RAP1GDS1: variants seen among roughly 807,000 people sequenced by gnomAD.
The protein encoded by RAP1GDS1 is RAP1, GTP-GDP dissociation stimulator 1.
Under a neutral mutation model 71.1 loss-of-function variants are expected in RAP1GDS1, and 35 were observed. That is an observed-to-expected ratio of 0.49 (90% CI 0.38 to 0.65). The LOEUF (loss-of-function observed/expected upper bound fraction) is 0.65. Ranked by LOEUF, RAP1GDS1 falls within the 30% of genes least tolerant of loss-of-function variation. The pLI, the probability that RAP1GDS1 is intolerant of heterozygous loss-of-function variation, is 0.00. For missense variants in RAP1GDS1, 663 were observed against 706.1 expected (o/e 0.94, Z 0.69); for synonymous variants, 229 against 243.1 (o/e 0.94, Z 0.54).
intron 3 of RAP1GDS1, among the ~76,000 whole-genome samples, chr4:98,346,559 T>A (rs937777382): frequency 7.0e-6 from 1 of 142,694 alleles, no homozygotes; most frequent in African/African-American, 2.6e-5. Flanking sequence ...TGATTATTTA[T>A]TTTTTTTTTT....
At chr4:98,319,313 G>C (rs1284822634) in intron 2 of RAP1GDS1, among the ~76,000 whole-genome samples, 1 of 152,118 alleles carries the variant, frequency 6.6e-6, no homozygotes, top group East Asian at 1.9e-4. Context: ...ATGTGTAATG[G>C]TGATAATATC....
chr4:98,290,442 G>A (rs756331966), intron 1 of RAP1GDS1, among the ~76,000 whole-genome samples: 2 of 152,026 alleles, frequency 1.3e-5, no homozygotes, highest in Non-Finnish European at 2.9e-5. Context: ...TATTAAAACA[G>A]CATCACTTTC....
chr4:98,331,081 G>C (rs1316011667), intron 2 of RAP1GDS1, among the ~76,000 whole-genome samples: 1 of 152,226 alleles, frequency 6.6e-6, no homozygotes, highest in Non-Finnish European at 1.5e-5. Flanking sequence ...AGATACTCGA[G>C]GTCAGGAGCT....
intron 2 of RAP1GDS1, among the ~76,000 whole-genome samples, chr4:98,325,395 C>A (rs1450685288): frequency 3.3e-5 from 5 of 150,892 alleles, no homozygotes; most frequent in African/African-American, 4.9e-5. Flanking sequence ...CTAGAAATAC[C>A]ATTTGACCCA....
At chr4:98,377,224 A>C (rs934605503) in intron 4 of RAP1GDS1, among the ~76,000 whole-genome samples, 5 of 151,946 alleles carry the variant, frequency 3.3e-5, no homozygotes, top group Non-Finnish European at 7.4e-5. Context: ...ATACTATTCG[A>C]GCTTTGCAAT....
chr4:98,298,720 T>A (rs1728147916), intron 2 of RAP1GDS1, among the ~76,000 whole-genome samples: 1 of 152,200 alleles, frequency 6.6e-6, no homozygotes, highest in Non-Finnish European at 1.5e-5. Context: ...TTTTTGTGCC[T>A]GTTAACACAA....
At chr4:98,344,884 G>A (rs1735997188) in intron 3 of RAP1GDS1, among the ~76,000 whole-genome samples, 3 of 152,148 alleles carry the variant, frequency 2.0e-5, no homozygotes, top group Admixed American at 1.3e-4. Flanking sequence ...AAGTGTAGTG[G>A]CAGGATCACG....
intron 2 of RAP1GDS1, among the ~76,000 whole-genome samples, chr4:98,300,685 G>GCCACCGTGC: frequency 6.6e-6 from 1 of 152,096 alleles, no homozygotes; most frequent in East Asian, 1.9e-4. Flanking sequence ...ACAAGCATGA[G>GCCACCGTGC]CCACCGTGCC....
chr4:98,378,892 G>A (rs1578655063), intron 4 of RAP1GDS1, 125 bp from the exon 5 acceptor site: 1 of 901,374 alleles, frequency 1.1e-6, no homozygotes, highest in Non-Finnish European at 1.6e-6. Context: ...CATATTTAAT[G>A]TCCTGCCTAG....
intron 1 of RAP1GDS1, among the ~76,000 whole-genome samples, chr4:98,277,298 A>G (rs981928637): frequency 6.6e-6 from 1 of 152,126 alleles, no homozygotes; most frequent in Non-Finnish European, 1.5e-5. Context: ...CTTTCTATAT[A>G]CTATGACCAG....
chr4:98,418,906 T>C, intron 10 of RAP1GDS1, 115 bp downstream of exon 10: 1 of 1,069,414 alleles, frequency 9.4e-7, no homozygotes, highest in South Asian at 3.0e-5. Context: ...TAAAAAAAAA[T>C]AGTCTTCACA....
intron 2 of RAP1GDS1, among the ~76,000 whole-genome samples, chr4:98,325,208 A>G (rs1435333760): frequency 1.3e-5 from 2 of 151,740 alleles, no homozygotes; most frequent in Non-Finnish European, 2.9e-5. Flanking sequence ...AATGCAAATC[A>G]AAACCACTAT....
chr4:98,409,412 C>G (rs1746674989), intron 7 of RAP1GDS1: 1 of 154,216 alleles, frequency 6.5e-6, no homozygotes, highest in Admixed American at 6.5e-5. Context: ...TTGTAGACAT[C>G]AGAGGAATGC....
chr4:98,298,321 T>C (rs1359507339), intron 2 of RAP1GDS1, among the ~76,000 whole-genome samples: 1 of 152,200 alleles, frequency 6.6e-6, no homozygotes, highest in African/African-American at 2.4e-5. Context: ...ATTTTCAGTA[T>C]AGATGAAACA....
chr4:98,382,552 C>G (rs1742168738), intron 5 of RAP1GDS1, among the ~76,000 whole-genome samples: 2 of 151,438 alleles, frequency 1.3e-5, no homozygotes, highest in Admixed American at 1.3e-4. Context: ...ATCCAAGGAA[C>G]TCAAACCTTT....
At chr4:98,300,397 CAG>C (rs578017125) in intron 2 of RAP1GDS1, among the ~76,000 whole-genome samples, 112 of 151,712 alleles carry the variant, frequency 7.4e-4, no homozygotes, top group African/African-American at 1.9e-3. Context: ...ATAGTGTAGA[CAG>C]AACTTTTTTT....
At position 98,417,377 on chromosome 4, in the gene RAP1GDS1, G is replaced by GT; in HGVS notation, c.918_919insT (p.Gln307SerfsTer5). 1.2e-6 allele frequency: 2 copies of GT among 1,612,198 alleles called. No individual in the cohort carries two copies. The highest frequency in any genetic ancestry group is 1.7e-6 in the Non-Finnish European group (2 of 1,178,666). ...TTCATTTACCTCCAGATGAATCCAT[G>GT]CAGAAGTTATTTGAAGGAGGAAAAG... On this transcript the variant is annotated frameshift_variant, in exon 9 of 15. Transcript: ENST00000408927. LOFTEE classifies it high-confidence loss of function.
chr4:98,308,485 TAAAG>T (rs1263355658), intron 2 of RAP1GDS1, among the ~76,000 whole-genome samples: 1 of 150,414 alleles, frequency 6.6e-6, no homozygotes, highest in Non-Finnish European at 1.5e-5. Flanking sequence ...GAAAGGAAAA[TAAAG>T]AACAATTTCT....
Position 98,297,599 on chromosome 4 carries a change from T to C in RAP1GDS1, c.112+4084T>C, listed in dbSNP as rs568727342. 1.6e-4 allele frequency among the ~76,000 whole-genome samples: 25 copies of C among 152,280 alleles called. No homozygotes were observed. In the South Asian group the frequency reaches 3.7e-3, roughly 23 times the overall value. ...TTTGGGGTGCCGTGAACCATGCCCATGTATGATGGTAAACTTAATTGATAA... is the reference window on the plus strand; with the variant it reads ...TTTGGGGTGCCGTGAACCATGCCCACGTATGATGGTAAACTTAATTGATAA... On this transcript the variant is annotated intron_variant, in intron 2 of 14. Transcript: ENST00000408927.
Sources: allele counts gnomAD v4.1 joint callset (sites outside exome capture counted in the v4.1 genomes callset), GRCh38; gene constraint gnomAD v4.1.1; transcripts MANE v1.5; gene names NCBI Gene and HGNC (gene_info 2026-07-23, HGNC 2026-07-21).